Variants in ATG7 observed in about 807,000 individuals in gnomAD.
ATG7 encodes ubiquitin-like modifier-activating enzyme ATG7.
Under a neutral mutation model 82.4 loss-of-function variants are expected in ATG7, and 70 were observed. The observed-to-expected ratio is 0.85, with a 90% confidence interval of 0.70 to 1.04. The LOEUF (loss-of-function observed/expected upper bound fraction) is 1.04. ATG7 is among the 50% of genes least tolerant of loss of function. The pLI, the probability that ATG7 is intolerant of heterozygous loss-of-function variation, is 0.00. For synonymous variants in ATG7, 287 were observed against 313.0 expected (o/e 0.92, Z 0.88); for missense variants, 792 against 864.3 (o/e 0.92, Z 1.05).
chr3:11,356,870 T>A (rs1311156179), intron 14 of ATG7, among the ~76,000 whole-genome samples: 3 of 152,224 alleles, frequency 2.0e-5, no homozygotes, highest in Non-Finnish European at 4.4e-5. Context: ...GCTGTGCTAG[T>A]CTCATTATTA....
chr3:11,338,263 C>T (rs1237030520), intron 11 of ATG7, among the ~76,000 whole-genome samples: 1 of 152,180 alleles, frequency 6.6e-6, no homozygotes, highest in Non-Finnish European at 1.5e-5. Flanking sequence ...CAGCTCCATC[C>T]ATGTTCCTGC....
At chr3:11,572,153 A>G in the ATG7 span, among the ~76,000 whole-genome samples, 21 of 152,176 alleles carry the variant, frequency 1.4e-4, no homozygotes, top group African/African-American at 5.1e-4. Flanking sequence ...GACGTTGAGT[A>G]TCTTTATTAT....
chr3:11,312,412 A>G (rs1948804525), intron 7 of ATG7, among the ~76,000 whole-genome samples: 1 of 152,208 alleles, frequency 6.6e-6, no homozygotes, highest in Non-Finnish European at 1.5e-5. Context: ...AACAGTGTCA[A>G]AGACAGCCTC....
intron 20 of ATG7, among the ~76,000 whole-genome samples, chr3:11,511,830 C>G (rs976883717): frequency 2.0e-5 from 3 of 152,332 alleles, no homozygotes; most frequent in Non-Finnish European, 4.4e-5. Flanking sequence ...TCCGCAGCCA[C>G]TGGCCCAGGT....
chr3:11,565,183 G>A, the ATG7 span, among the ~76,000 whole-genome samples: 48 of 152,206 alleles, frequency 3.2e-4, no homozygotes, highest in South Asian at 4.4e-3. The surrounding 1 kb of genome is among the most constrained non-coding windows in gnomAD (Gnocchi z 4.1). Flanking sequence ...CGGGTCAGCC[G>A]GACACCAAAG....
At chr3:11,553,869 G>T (rs528689813) in intron 20 of ATG7, among the ~76,000 whole-genome samples, 1 of 152,164 alleles carries the variant, frequency 6.6e-6, no homozygotes, top group Non-Finnish European at 1.5e-5. Context: ...CCATCTCCCC[G>T]GGCCAGCCTC....
intron 18 of ATG7, among the ~76,000 whole-genome samples, chr3:11,371,761 G>C (rs2077011077): frequency 6.6e-6 from 1 of 151,168 alleles, no homozygotes; most frequent in African/African-American, 2.4e-5. Flanking sequence ...CCTTAAGGTA[G>C]CACACCAAAT....
chr3:11,381,824 G>A (rs370985902), intron 19 of ATG7, among the ~76,000 whole-genome samples: 3 of 152,118 alleles, frequency 2.0e-5, no homozygotes, highest in East Asian at 1.9e-4. Flanking sequence ...ATTGGTGCAC[G>A]TATTTCCTTA....
chr3:11,562,958 C>T, the ATG7 span, among the ~76,000 whole-genome samples: 3 of 152,228 alleles, frequency 2.0e-5, no homozygotes, highest in African/African-American at 7.2e-5. Context: ...CGTGGGCAGC[C>T]AGGCCCATTC....
chr3:11,486,652 C>T (rs560949493), intron 20 of ATG7, among the ~76,000 whole-genome samples: 6 of 152,124 alleles, frequency 3.9e-5, no homozygotes, highest in Admixed American at 1.3e-4. Context: ...TTTGCCCATT[C>T]AGTATGATAT....
chr3:11,471,346 T>C (rs189661584), intron 20 of ATG7, among the ~76,000 whole-genome samples: 2 of 152,292 alleles, frequency 1.3e-5, no homozygotes, highest in Non-Finnish European at 2.9e-5. Context: ...TCATAGAGGC[T>C]ACTTGGGTTC....
At position 11,299,090 on chromosome 3, in the gene ATG7, C is replaced by G. The variant is rs546708847; in HGVS notation, c.160+235C>G. On this transcript the variant is annotated intron_variant, in intron 4 of 20. Transcript: ENST00000693202. ...TCAAATTATTAATCCAAATAATACC[C>G]ATTACTTAGCATTGCTGTGGGAAGA... The G allele has an allele frequency of 2.7e-5, 16 of 597,196 alleles. No individual in the cohort carries two copies. The African/African-American group carries it at 3.0e-4, about 11-fold the overall frequency. The allele number at this position is 597,196 out of a possible 1,614,324, so 37.0% of individuals were successfully genotyped here.
At chr3:11,429,984 A>G (rs951313169) in intron 20 of ATG7, among the ~76,000 whole-genome samples, 6 of 150,914 alleles carry the variant, frequency 4.0e-5, no homozygotes, top group Non-Finnish European at 8.8e-5. Context: ...TGAAAAGGAT[A>G]TCTTCCTTCT....
chr3:11,409,667 C>A (rs1470190681), intron 19 of ATG7, among the ~76,000 whole-genome samples: 3 of 152,148 alleles, frequency 2.0e-5, no homozygotes, highest in Non-Finnish European at 2.9e-5. Flanking sequence ...AGATTTTCTC[C>A]CATGTTATCC....
intron 20 of ATG7, among the ~76,000 whole-genome samples, chr3:11,446,315 C>T (rs1427178451): frequency 6.6e-6 from 1 of 151,948 alleles, no homozygotes; most frequent in East Asian, 1.9e-4. Context: ...AAGTCTTTAA[C>T]ACCTAGATTT....
At chr3:11,568,763 G>T in the ATG7 span, 7 of 1,501,152 alleles carry the variant, frequency 4.7e-6, no homozygotes, top group Non-Finnish European at 6.2e-6. The surrounding 1 kb of genome is among the most constrained non-coding windows in gnomAD (Gnocchi z 5.9). Flanking sequence ...GGAGATGGAA[G>T]TCGCCTCCGC....
intron 20 of ATG7, among the ~76,000 whole-genome samples, chr3:11,434,932 G>C (rs1420414863): frequency 6.6e-6 from 1 of 152,194 alleles, no homozygotes; most frequent in Non-Finnish European, 1.5e-5. Flanking sequence ...GACCTTGGAT[G>C]AATCCTTCAG....
At position 11,367,409 on chromosome 3, in the gene ATG7, A is replaced by T. The variant is rs901207248; in HGVS notation, c.1875+2675A>T. Among the ~76,000 whole-genome samples, 4 of 152,294 alleles carry T rather than the reference A, an allele frequency of 2.6e-5. No individual in the cohort carries two copies. The East Asian group carries it at 7.7e-4, about 29-fold the overall frequency. On this transcript the variant is annotated intron_variant, in intron 18 of 20. Transcript: ENST00000693202. ...CTCAGTTCCCAAGAGGAGAAGTTTT[A>T]TTAATTGGCCCCTGTGGAAGAGATG...
chr3:11,282,203 C>T lies in ATG7; in HGVS notation c.-246C>T, dbSNP rs1369431637. 1 of 152,174 alleles carries T rather than the reference C, an allele frequency of 6.6e-6. No homozygotes were observed. Among genetic ancestry groups the T allele is most frequent in the Non-Finnish European group, 1.5e-5 (1 of 68,038 alleles). 9.4% of individuals were successfully genotyped at this position (152,174 alleles called of 1,614,324 possible). A position where few individuals can be genotyped will look rare whatever the true frequency, so the allele number is the denominator to read the frequency against. ...GTCCCTCCCATGTAGGCTTCTCAAA[C>T]CCCATAATGCTGGTATCCAGTGCAT... On this transcript the variant is annotated 5_prime_UTR_variant, in exon 3 of 21. Transcript: ENST00000693202.
Sources: gnomAD v4.1 joint callset for allele counts (sites outside exome capture counted in the v4.1 genomes callset) on GRCh38, gnomAD v4.1.1 for gene constraint, Gnocchi (gnomAD v3.1) non-coding constraint, MANE v1.5 for transcripts, NCBI Gene and HGNC (gene_info 2026-07-23, HGNC 2026-07-21) for gene names.